ADAM2: variants seen among roughly 807,000 people sequenced by gnomAD.
ADAM2 encodes the protein disintegrin and metalloproteinase domain-containing protein 2.
Under a neutral mutation model 99.3 loss-of-function variants are expected in ADAM2, and 101 were observed. The observed-to-expected ratio is 1.02, with a 90% confidence interval of 0.87 to 1.20. ADAM2 has a LOEUF of 1.20. ADAM2 is among the 50% of genes most tolerant of loss of function. ADAM2 has a pLI of 0.00. For missense variants in ADAM2, 948 were observed against 878.7 expected, an observed-to-expected ratio of 1.08 and a Z score of -1.00; for synonymous variants, 323 against 287.6, an observed-to-expected ratio of 1.12 and a Z score of -1.25.
intron 10 of ADAM2, among the ~76,000 whole-genome samples, chr8:39,780,773 C>CATTTAAT (rs2129584880): frequency 6.6e-6 from 1 of 152,028 alleles, no homozygotes; most frequent in South Asian, 2.1e-4. Flanking sequence ...TAATATTTTG[C>CATTTAAT]TGCTTTATAC....
At chr8:39,788,618 A>T in intron 8 of ADAM2, 51 bp downstream of exon 8, 1 of 1,295,938 alleles carries the variant, frequency 7.7e-7, no homozygotes, top group Non-Finnish European at 1.1e-6. Context: ...AGGTGTAGAA[A>T]TTGTTTTAGT....
rs545722578 is a variant in ADAM2 at position 39,754,507 on chromosome 8, G to C, written c.1797+1221C>G. ...AAACAATGGAGAATTTAAAATGTAA[G>C]ATAGTCTTGGGCATTAATTTGGTAA... On this transcript the variant is annotated intron_variant, in intron 16 of 20. Coordinates refer to ENST00000265708, the MANE Select transcript of ADAM2 (RefSeq NM_001464.5). Among the ~76,000 whole-genome samples the C allele has an allele frequency of 2.0e-5, 3 of 152,282 alleles. No individual in the cohort carries two copies. The South Asian group carries it at 6.2e-4, about 32-fold the overall frequency.
intron 18 of ADAM2, 101 bp downstream of exon 18, chr8:39,749,211 A>G: frequency 1.9e-6 from 2 of 1,066,014 alleles, no homozygotes; most frequent in East Asian, 2.6e-5. Context: ...ATGTCTAAAC[A>G]TAGTCTAGAT....
intron 15 of ADAM2, among the ~76,000 whole-genome samples, chr8:39,757,785 TTA>T (rs1802205118): frequency 6.6e-6 from 1 of 152,196 alleles, no homozygotes; most frequent in South Asian, 2.1e-4. Context: ...CCGTTATGTA[TTA>T]GTCATATTAT....
At position 39,769,441 on chromosome 8, in the gene ADAM2, C is replaced by A. The variant is rs1351250165; in HGVS notation, c.1163G>T (p.Gly388Val). ...DPFFKQQAVC[G>V]NAKLEAGEEC... is the part of the protein sequence containing the mutation. ...CTCTCCTGCTTCCAGCTTTGCATTA[C>A]CACACACTGCTTGCTGTTTGAAAAA... Residue 388 changes from glycine to valine, a missense_variant, in exon 12 of 21, where the codon GGT becomes GTT. Coordinates refer to ENST00000265708, the MANE Select transcript of ADAM2 (RefSeq NM_001464.5). 1 of 1,614,056 alleles carries A rather than the reference C, an allele frequency of 6.2e-7. No homozygotes were observed. Among genetic ancestry groups the A allele is most frequent in the Admixed American group, 1.7e-5 (1 of 60,012 alleles).
chr8:39,745,402 T>C (rs150934991), intron 19 of ADAM2, among the ~76,000 whole-genome samples: 2,045 of 152,232 alleles, frequency 0.013, 47 homozygotes, highest in African/African-American at 0.047. Flanking sequence ...CATTTTCATT[T>C]ACATTGTCAT....
intron 16 of ADAM2, among the ~76,000 whole-genome samples, chr8:39,753,418 A>T (rs1802025439): frequency 6.6e-6 from 1 of 150,674 alleles, no homozygotes; most frequent in Admixed American, 6.7e-5. Context: ...CAGCCTGATG[A>T]TGCAATAGAA....
intron 14 of ADAM2, among the ~76,000 whole-genome samples, chr8:39,763,330 A>G (rs183009593): frequency 6.6e-6 from 1 of 152,342 alleles, no homozygotes; most frequent in Admixed American, 6.5e-5. Context: ...TAAACCTCCC[A>G]ACAGTGCAAA....
intron 7 of ADAM2, among the ~76,000 whole-genome samples, chr8:39,795,427 GA>G (rs1181743985): frequency 6.6e-6 from 1 of 152,066 alleles, no homozygotes; most frequent in African/African-American, 2.4e-5. Context: ...CTGCTACCTG[GA>G]GGCTTCATCT....
At chr8:39,746,667 C>T in intron 18 of ADAM2, 36 bp from the exon 19 acceptor site, 1 of 1,504,268 alleles carries the variant, frequency 6.6e-7, no homozygotes, top group South Asian at 1.3e-5. Context: ...TGAAAGCAAG[C>T]ACCAGAAATA....
intron 3 of ADAM2, among the ~76,000 whole-genome samples, chr8:39,828,712 C>A (rs1350379103): frequency 6.6e-6 from 1 of 151,654 alleles, no homozygotes; most frequent in African/African-American, 2.4e-5. Flanking sequence ...AGCATTTAAA[C>A]AAAGAGAAGA....
chr8:39,814,008 T>C (rs1234494025), intron 6 of ADAM2, among the ~76,000 whole-genome samples: 2 of 151,160 alleles, frequency 1.3e-5, no homozygotes, highest in African/African-American at 4.9e-5. Context: ...ACTACACAGA[T>C]GCATGAGAGA....
intron 16 of ADAM2, 58 bp from the exon 17 acceptor site, chr8:39,749,802 T>C: frequency 7.4e-7 from 1 of 1,349,266 alleles, no homozygotes; most frequent in Non-Finnish European, 1.1e-6. Flanking sequence ...TGCCATTTAA[T>C]TAAAAGCATT....
In ADAM2 at chr8:39,781,919, T is replaced by C. The variant is rs192205309; in HGVS notation, c.892-4758A>G. Among the ~76,000 whole-genome samples the C allele has an allele frequency of 3.9e-5, 6 of 152,306 alleles. No individual in the cohort carries two copies. The East Asian group carries it at 9.7e-4, about 25-fold the overall frequency. On this transcript the variant is annotated intron_variant, in intron 10 of 20. Transcript: ENST00000265708. ...AGATTCTGGAAAGAGGCCAGCGATA[T>C]GGCGACTTGATCTCTATTACAAAGG...
intron 15 of ADAM2, among the ~76,000 whole-genome samples, chr8:39,759,011 C>T (rs1802255061): frequency 6.6e-6 from 1 of 151,960 alleles, no homozygotes; most frequent in African/African-American, 2.4e-5. Context: ...GTTAGAAAAT[C>T]ACTAATGGAT....
intron 3 of ADAM2, among the ~76,000 whole-genome samples, chr8:39,828,752 A>G (rs1805509019): frequency 6.6e-6 from 1 of 151,892 alleles, no homozygotes; most frequent in South Asian, 2.1e-4. Context: ...TTCTTTATAT[A>G]CAGTCATTTA....
chr8:39,802,894 G>T (rs1226239860), intron 7 of ADAM2, among the ~76,000 whole-genome samples: 1 of 152,110 alleles, frequency 6.6e-6, no homozygotes, highest in Non-Finnish European at 1.5e-5. Flanking sequence ...TTGGCTCATG[G>T]TGACTTTGAG....
chr8:39,801,787 C>T (rs1804224365), intron 7 of ADAM2, among the ~76,000 whole-genome samples: 1 of 152,122 alleles, frequency 6.6e-6, no homozygotes, highest in South Asian at 2.1e-4. Context: ...TAGAGAGGCA[C>T]GCTGGCCGCA....
intron 11 of ADAM2, among the ~76,000 whole-genome samples, chr8:39,773,125 A>G (rs984049129): frequency 4.7e-4 from 72 of 151,932 alleles, no homozygotes; most frequent in African/African-American, 1.6e-3. Flanking sequence ...ATTAAATCAG[A>G]TAACAAAAAG....
Sources: allele counts gnomAD v4.1 joint callset (sites outside exome capture counted in the v4.1 genomes callset), GRCh38; gene constraint gnomAD v4.1.1; transcripts MANE v1.5; gene names NCBI Gene and HGNC (gene_info 2026-07-23, HGNC 2026-07-21).